GALNT17: variants seen among roughly 807,000 people sequenced by gnomAD.
GALNT17 encodes the protein polypeptide N-acetylgalactosaminyltransferase 17, also known as UDP-GalNAc:polypeptide N-acetylgalactosaminyltransferase-like 3.
GALNT17 carries 29 observed loss-of-function variants against 63.7 expected under a neutral mutation model. The ratio of observed to expected loss-of-function variants is 0.46; its 90% CI spans 0.34 to 0.62. The LOEUF (loss-of-function observed/expected upper bound fraction) is 0.62, where lower values mean the gene tolerates loss of function less well. Ranked by LOEUF, GALNT17 falls within the 20% of genes least tolerant of loss-of-function variation. The probability of loss-of-function intolerance (pLI) is 0.01; values close to 1 mark genes in which losing one functional copy is unlikely to be tolerated. For missense variants in GALNT17, 603 were observed against 799.6 expected, an observed-to-expected ratio of 0.75 and a Z score of 2.97; for synonymous variants, 305 against 318.3, an observed-to-expected ratio of 0.96 and a Z score of 0.45.
intron 2 of GALNT17, among the ~76,000 whole-genome samples, chr7:71,366,495 T>G (rs1054048010): frequency 2.0e-5 from 3 of 152,104 alleles, no homozygotes; most frequent in African/African-American, 4.8e-5. Flanking sequence ...ACAGGAGAAT[T>G]GCTTGAACCT....
chr7:71,711,505 C>T (rs1791791023), intron 10 of GALNT17, among the ~76,000 whole-genome samples: 1 of 150,224 alleles, frequency 6.7e-6, no homozygotes, highest in South Asian at 2.1e-4. Flanking sequence ...TCCTATTGCA[C>T]TCTCTCTCTC....
intron 2 of GALNT17, among the ~76,000 whole-genome samples, chr7:71,358,754 TTTTTC>T (rs1344916779): frequency 1.3e-5 from 2 of 152,126 alleles, no homozygotes; most frequent in Non-Finnish European, 2.9e-5. Context: ...TTTTCTTTCT[TTTTTC>T]TTTTCTTTTC....
At chr7:71,363,307 A>G (rs1003857317) in intron 2 of GALNT17, among the ~76,000 whole-genome samples, 1 of 152,154 alleles carries the variant, frequency 6.6e-6, no homozygotes, top group Admixed American at 6.5e-5. Flanking sequence ...CTCAATAAGC[A>G]ATAGTTTTGG....
intron 9 of GALNT17, among the ~76,000 whole-genome samples, chr7:71,678,954 C>T (rs1006259432): frequency 2.5e-5 from 2 of 81,258 alleles, no homozygotes; most frequent in African/African-American, 7.7e-5. Context: ...GAGACTCCAT[C>T]TCAAAAAAAA....
intron 1 of GALNT17, chr7:71,284,199 T>C: frequency 6.2e-6 from 1 of 161,840 alleles, no homozygotes; most frequent in Non-Finnish European, 1.3e-5. Flanking sequence ...CGTGGCTTCA[T>C]TCTTGAAGTC....
At chr7:71,153,348 C>T (rs1265565350) in intron 1 of GALNT17, among the ~76,000 whole-genome samples, 5 of 152,192 alleles carry the variant, frequency 3.3e-5, no homozygotes, top group African/African-American at 4.8e-5. Context: ...TTATTGACAT[C>T]GCCGTGGTGG....
rs1239720509 is a variant in GALNT17, at chr7:71,415,956, A to G, written c.657A>G (p.Arg219=). The G allele has an allele frequency of 1.9e-6, 3 of 1,613,786 alleles. No individual in the cohort carries two copies. Among genetic ancestry groups the G allele is most frequent in the Middle Eastern group, 1.6e-4 (1 of 6,062 alleles). Residue 219 remains arginine, a synonymous_variant, in exon 4 of 11, where the codon AGA becomes AGG. Transcript: ENST00000333538. ...ACCCCGGGCTGGTGAAGGTGGTAAG[A>G]AATCAGAAGAGGGAAGGCCTGATCC... ...KRYPGLVKVV[R]NQKREGLIRA... is the part of the protein sequence containing the mutation.
chr7:71,523,787 T>TAAATAAATAAA (rs1562675393), intron 5 of GALNT17, among the ~76,000 whole-genome samples: 22 of 120,504 alleles, frequency 1.8e-4, no homozygotes, highest in Non-Finnish European at 3.0e-4. Context: ...AAATAAATAA[T>TAAATAAATAAA]AAAGAAAAGA....
At chr7:71,256,264 C>A (rs1790287872) in intron 1 of GALNT17, among the ~76,000 whole-genome samples, 1 of 152,180 alleles carries the variant, frequency 6.6e-6, no homozygotes, top group African/African-American at 2.4e-5. Context: ...CTGTTGTCTC[C>A]CTACAATGTA....
At chr7:71,679,772 C>G (rs578183997) in intron 9 of GALNT17, among the ~76,000 whole-genome samples, 19 of 152,094 alleles carry the variant, frequency 1.2e-4, no homozygotes, top group African/African-American at 4.1e-4. Flanking sequence ...CAGAATCGTC[C>G]CCAAGGCTGC....
chr7:71,483,229 G>A lies in GALNT17; in HGVS notation c.962+62124G>A, dbSNP rs186907676. ...TTCATGCCTGTAATCCCAGCACTTT[G>A]GGAGGCCAAGGCAGGCGGATCACCT... On this transcript the variant is annotated intron_variant, in intron 5 of 10. Coordinates refer to ENST00000333538, the MANE Select transcript of GALNT17 (RefSeq NM_022479.3). 8.1e-4 allele frequency among the ~76,000 whole-genome samples: 124 copies of A among 152,276 alleles called. 1 individual carries two copies. The highest frequency in any genetic ancestry group is 3.4e-3 in the Middle Eastern group (1 of 294).
At chr7:71,560,639 C>T (rs1036571043) in intron 5 of GALNT17, among the ~76,000 whole-genome samples, 5 of 152,192 alleles carry the variant, frequency 3.3e-5, no homozygotes, top group African/African-American at 1.2e-4. Flanking sequence ...GTGATGGTAA[C>T]GGAGCTGTAG....
chr7:71,479,348 C>T (rs1787776525), intron 5 of GALNT17, among the ~76,000 whole-genome samples: 1 of 152,066 alleles, frequency 6.6e-6, no homozygotes, highest in African/African-American at 2.4e-5. Context: ...CACTGGGGCT[C>T]AGCACGTATG....
Position 71,620,194 on chromosome 7 carries a change from T to G in GALNT17, c.1081-45217T>G, listed in dbSNP as rs557973134. On this transcript the variant is annotated intron_variant, in intron 6 of 10. Coordinates refer to ENST00000333538, the MANE Select transcript of GALNT17 (RefSeq NM_022479.3). ...TGTGCTGCTGAATTCAGTTTGCTAG[T>G]ATTTTGTTGAGGACTTTTGCGTCTG... Among the ~76,000 whole-genome samples, 15 of 152,326 alleles carry G rather than the reference T, an allele frequency of 9.8e-5. No homozygotes were observed. The South Asian group carries it at 3.1e-3, about 32-fold the overall frequency.
At chr7:71,649,246 T>C (rs1433362770) in intron 6 of GALNT17, among the ~76,000 whole-genome samples, 2 of 152,204 alleles carry the variant, frequency 1.3e-5, no homozygotes, top group Non-Finnish European at 2.9e-5. Flanking sequence ...TTTTGTGACC[T>C]TGAGTGAGGG....
At chr7:71,634,115 C>A (rs1790495352) in intron 6 of GALNT17, among the ~76,000 whole-genome samples, 1 of 152,162 alleles carries the variant, frequency 6.6e-6, no homozygotes. Context: ...AATCTTGCAA[C>A]CCTCAGCCCC....
chr7:71,495,596 G>A (rs903378655), intron 5 of GALNT17, among the ~76,000 whole-genome samples: 6 of 152,132 alleles, frequency 3.9e-5, no homozygotes, highest in African/African-American at 7.2e-5. Flanking sequence ...GTGCAGGGCC[G>A]AGGTCTGATC....
intron 5 of GALNT17, among the ~76,000 whole-genome samples, chr7:71,454,224 C>T (rs528064629): frequency 6.6e-6 from 1 of 152,238 alleles, no homozygotes; most frequent in East Asian, 1.9e-4. Context: ...ATGCATTGTC[C>T]CCCAGACTCC....
chr7:71,164,256 T>A (rs768722402), intron 1 of GALNT17, among the ~76,000 whole-genome samples: 3 of 152,224 alleles, frequency 2.0e-5, no homozygotes, highest in Admixed American at 6.5e-5. Flanking sequence ...CAGTTCTGCA[T>A]GGCTGGGAGG....
Sources: gnomAD v4.1 joint callset for allele counts (sites outside exome capture counted in the v4.1 genomes callset) on GRCh38, gnomAD v4.1.1 for gene constraint, MANE v1.5 for transcripts, NCBI Gene and HGNC (gene_info 2026-07-23, HGNC 2026-07-21) for gene names.